Variants in MIGA1 observed in about 807,000 individuals in gnomAD.
MIGA1 encodes family with sequence similarity 73, member A.
A neutral mutation model predicts 82.0 loss-of-function variants in MIGA1; 58 were observed. The ratio of observed to expected loss-of-function variants is 0.71; its 90% CI spans 0.57 to 0.88. The LOEUF is 0.88. Ranked by LOEUF, MIGA1 falls within the 40% of genes least tolerant of loss-of-function variation. MIGA1 has a pLI of 0.00. For synonymous variants in MIGA1, 249 were observed against 253.6 expected (o/e 0.98, Z 0.17); for missense variants, 751 against 749.1 (o/e 1.00, Z -0.03).
At chr1:77,797,940 T>G (rs1682725279) in intron 2 of MIGA1, among the ~76,000 whole-genome samples, 1 of 152,208 alleles carries the variant, frequency 6.6e-6, no homozygotes, top group African/African-American at 2.4e-5. Flanking sequence ...TTATTCCTGT[T>G]TCTTAATTTT....
At chr1:77,827,792 A>C (rs983818398) in intron 7 of MIGA1, among the ~76,000 whole-genome samples, 1 of 152,202 alleles carries the variant, frequency 6.6e-6, no homozygotes, top group African/African-American at 2.4e-5. Context: ...TACTCTTCCC[A>C]TGGGGAGGAG....
At chr1:77,844,092 C>A (rs1361690782) in intron 8 of MIGA1, among the ~76,000 whole-genome samples, 2 of 84,376 alleles carry the variant, frequency 2.4e-5, no homozygotes, top group Middle Eastern at 9.1e-3. Context: ...CAGAACAAGA[C>A]CCTGTCTTAA....
chr1:77,780,959 T>C (rs1419888754), intron 1 of MIGA1, among the ~76,000 whole-genome samples: 4 of 148,926 alleles, frequency 2.7e-5, no homozygotes, highest in African/African-American at 9.9e-5. Flanking sequence ...CAGGCTGGAG[T>C]GCAATGGCGT....
chr1:77,873,302 C>CTATT (rs1194192363), intron 15 of MIGA1, among the ~76,000 whole-genome samples, 182 bp downstream of exon 15: 1 of 152,170 alleles, frequency 6.6e-6, no homozygotes, highest in Non-Finnish European at 1.5e-5. Flanking sequence ...TATAATACCA[C>CTATT]TATTATTATA....
chr1:77,860,020 G>T lies in MIGA1; in HGVS notation c.1189-20G>T. ...TTCATTATAGGTCTCTTTTTTCTTT[G>T]GGGATGAATATTTTTTCAGGTAATT... On this transcript the variant is annotated intron_variant, in intron 10 of 15. Coordinates refer to ENST00000370791, the MANE Select transcript of MIGA1 (RefSeq NM_198549.4). The T allele has an allele frequency of 6.5e-7, 1 of 1,530,904 alleles. No individual in the cohort carries two copies. The highest frequency in any genetic ancestry group is 1.8e-5 in the Admixed American group (1 of 55,778). 94.8% of individuals were successfully genotyped at this position (1,530,904 alleles called of 1,614,324 possible). A position where few individuals can be genotyped will look rare whatever the true frequency, so the allele number is the denominator to read the frequency against.
At position 77,878,557 on chromosome 1, in the gene MIGA1, T is replaced by G; in HGVS notation, c.*3493T>G. ...AATCATGGAATTGCCCTTGCCACCA[T>G]GAGCTCTACCATCCACTTCCATATG... On this transcript the variant is annotated 3_prime_UTR_variant, in exon 16 of 16. Transcript: ENST00000370791. 7.2e-6 allele frequency: 2 copies of G among 276,234 alleles called. No individual in the cohort carries two copies. The highest frequency in any genetic ancestry group is 1.3e-5 in the Non-Finnish European group (2 of 149,284). 17.1% of individuals were successfully genotyped at this position (276,234 alleles called of 1,614,324 possible).
chr1:77,812,908 A>G (rs1241542501), intron 5 of MIGA1, among the ~76,000 whole-genome samples: 1 of 152,224 alleles, frequency 6.6e-6, no homozygotes, highest in Non-Finnish European at 1.5e-5. Flanking sequence ...ATAGTGGTTC[A>G]GGACACCCTT....
intron 2 of MIGA1, among the ~76,000 whole-genome samples, chr1:77,785,466 C>T (rs1284536579): frequency 1.3e-5 from 2 of 152,182 alleles, no homozygotes; most frequent in South Asian, 4.1e-4. Flanking sequence ...GCCTCAGCCT[C>T]CTGAGTAGCT....
intron 7 of MIGA1, among the ~76,000 whole-genome samples, chr1:77,836,935 C>G (rs1684456761): frequency 6.6e-6 from 1 of 152,098 alleles, no homozygotes; most frequent in Non-Finnish European, 1.5e-5. Context: ...TACAAAAACT[C>G]AATATACATA....
intron 1 of MIGA1, among the ~76,000 whole-genome samples, chr1:77,782,429 T>C (rs1255447070): frequency 6.6e-6 from 1 of 152,206 alleles, no homozygotes; most frequent in Non-Finnish European, 1.5e-5. Context: ...ATAGAATATG[T>C]ACACTAGATC....
Position 77,787,999 on chromosome 1 carries a change from T to C in MIGA1, c.195+4648T>C, listed in dbSNP as rs1034554935. 3.3e-5 allele frequency among the ~76,000 whole-genome samples: 5 copies of C among 151,354 alleles called. No homozygotes were observed. In the South Asian group the frequency reaches 1.0e-3, roughly 32 times the overall value. On this transcript the variant is annotated intron_variant, in intron 2 of 15. Coordinates refer to ENST00000370791, the MANE Select transcript of MIGA1 (RefSeq NM_198549.4). The stretch of plus-strand genomic sequence containing the variant: ...CCTGGCTAATTTTTGTATTTTTTCT[T>C]TTTTTTAGACAGAGTCTCGCTTCTT...
chr1:77,788,056 G>A (rs12120236), intron 2 of MIGA1, among the ~76,000 whole-genome samples: 13,997 of 151,772 alleles, frequency 0.092, 812 homozygotes, highest in Middle Eastern at 0.19. Flanking sequence ...GCGCAATCTC[G>A]GCTCACTGCA....
chr1:77,779,655 C>G lies in MIGA1; in HGVS notation c.-1C>G, dbSNP rs1006804548. ...GACCCCGGAAGGACTCCGCCTTCTC[C>G]ATGTCAGACTGCTGCTCAGCGCCAG... On this transcript the variant is annotated 5_prime_UTR_variant, in exon 1 of 16. Coordinates refer to ENST00000370791, the MANE Select transcript of MIGA1 (RefSeq NM_198549.4). 39 of 1,578,326 alleles carry G rather than the reference C, an allele frequency of 2.5e-5. No individual in the cohort carries two copies. Among genetic ancestry groups the G allele is most frequent in the Non-Finnish European group, 3.4e-5 (39 of 1,161,926 alleles).
At position 77,809,601 on chromosome 1, in the gene MIGA1, T is replaced by A. The variant is rs530843146; in HGVS notation, c.637+2500T>A. 2.6e-4 allele frequency among the ~76,000 whole-genome samples: 39 copies of A among 150,654 alleles called. No individual in the cohort carries two copies. In the South Asian group the frequency reaches 7.9e-3, roughly 31 times the overall value. On this transcript the variant is annotated intron_variant, in intron 5 of 15. Transcript: ENST00000370791. ...AGAGACCAAAAAAAACTAAAAAAAA[T>A]AAAATAAAATAATTATTCCTGTGTT...
Position 77,779,730 on chromosome 1 carries a change from G to C in MIGA1, c.75G>C (p.Glu25Asp). The C allele has an allele frequency of 5.1e-6, 8 of 1,573,202 alleles. No individual in the cohort carries two copies. The highest frequency in any genetic ancestry group is 6.9e-6 in the Non-Finnish European group (8 of 1,159,526). Reference sequence around the variant, plus strand: ...GCAGGCCAGCTGTACCTGGCCTGGAGCTCCAGGTACAGGGCCAGGGGCGGG... The same window carrying C: ...GCAGGCCAGCTGTACCTGGCCTGGACCTCCAGGTACAGGGCCAGGGGCGGG... Residue 25 changes from glutamate to aspartate, a missense_variant, in exon 1 of 16, where the codon GAG becomes GAC. This residue lies in a region of MIGA1 where 482 missense variants were observed against 439.4 expected (regional missense o/e 1.10). Transcript: ENST00000370791.
intron 2 of MIGA1, among the ~76,000 whole-genome samples, chr1:77,791,157 C>A (rs1682401052): frequency 6.7e-6 from 1 of 149,454 alleles, no homozygotes; most frequent in Non-Finnish European, 1.5e-5. Flanking sequence ...AAGAGAGGAT[C>A]ACTTGAGCCC....
intron 2 of MIGA1, among the ~76,000 whole-genome samples, chr1:77,789,979 G>A (rs1570920030): frequency 1.3e-5 from 2 of 152,098 alleles, no homozygotes; most frequent in South Asian, 4.1e-4. Context: ...TAGAAACTAG[G>A]TTGGTACAGC....
intron 2 of MIGA1, among the ~76,000 whole-genome samples, chr1:77,788,217 G>A (rs761614408): frequency 3.3e-5 from 5 of 152,162 alleles, no homozygotes; most frequent in Non-Finnish European, 7.4e-5. Context: ...TGGCCAGGCT[G>A]GTCTTGAACT....
rs893402824 is a variant in MIGA1, at chr1:77,876,523, A to G, written c.*1459A>G. Reference sequence around the variant, plus strand: ...TAACATTTATTAATTAATAAAGGCAATTTAAAATTTAGTGTTATTTGAAGA... The same window carrying G: ...TAACATTTATTAATTAATAAAGGCAGTTTAAAATTTAGTGTTATTTGAAGA... On this transcript the variant is annotated 3_prime_UTR_variant, in exon 16 of 16. Coordinates refer to ENST00000370791, the MANE Select transcript of MIGA1 (RefSeq NM_198549.4). 8 of 152,204 alleles carry G rather than the reference A, an allele frequency of 5.3e-5. No individual in the cohort carries two copies. The highest frequency in any genetic ancestry group is 1.4e-4 in the African/African-American group (6 of 41,458). The allele number at this position is 152,204 out of a possible 1,614,324, so 9.4% of individuals were successfully genotyped here. A position where few individuals can be genotyped will look rare whatever the true frequency, so the allele number is the denominator to read the frequency against.
Sources: allele counts gnomAD v4.1 joint callset (sites outside exome capture counted in the v4.1 genomes callset), GRCh38; gene constraint gnomAD v4.1.1; regional missense constraint gnomAD v4.1.1; transcripts MANE v1.5; gene names NCBI Gene and HGNC (gene_info 2026-07-23, HGNC 2026-07-21).